The following COL21A1 variants were observed in gnomAD, a reference collection of about 807,000 sequenced individuals.
COL21A1 encodes the protein collagen alpha-1(XXI) chain.
In COL21A1, 149 loss-of-function variants were observed where a neutral mutation model predicts 137.9. That is an observed-to-expected ratio of 1.08 (90% CI 0.95 to 1.24). The LOEUF (loss-of-function observed/expected upper bound fraction) is 1.24. Among genes scored for constraint, COL21A1 ranks in the 50% most tolerant of loss-of-function variants. The probability of loss-of-function intolerance (pLI) is 0.00; values close to 1 mark genes in which losing one functional copy is unlikely to be tolerated. For missense variants in COL21A1, 1,167 were observed against 1,158.4 expected (o/e 1.01, Z -0.11); for synonymous variants, 456 against 391.5 (o/e 1.16, Z -1.95).
At chr6:56,309,288 T>G (rs1764548349) in intron 1 of COL21A1, among the ~76,000 whole-genome samples, 1 of 152,154 alleles carries the variant, frequency 6.6e-6, no homozygotes, top group Non-Finnish European at 1.5e-5. Flanking sequence ...TCTGCCCGCC[T>G]CGGCCTCCCA....
At chr6:56,262,376 C>A (rs1282211239) in intron 1 of COL21A1, among the ~76,000 whole-genome samples, 3 of 152,068 alleles carry the variant, frequency 2.0e-5, no homozygotes. Flanking sequence ...GTTCTGAGCA[C>A]TTTATATTTA....
chr6:56,073,312 G>A (rs1464252037), intron 20 of COL21A1, among the ~76,000 whole-genome samples: 2 of 151,438 alleles, frequency 1.3e-5, no homozygotes, highest in South Asian at 4.1e-4. Flanking sequence ...AGCTGCTGGA[G>A]CCCACAATAC....
intron 16 of COL21A1, among the ~76,000 whole-genome samples, chr6:56,104,252 A>C (rs914646405): frequency 6.6e-6 from 1 of 152,040 alleles, no homozygotes; most frequent in Non-Finnish European, 1.5e-5. Context: ...GGAGGAACAG[A>C]CTCTTTATTC....
intron 1 of COL21A1, among the ~76,000 whole-genome samples, chr6:56,238,120 C>G (rs527697240): frequency 6.6e-6 from 1 of 151,988 alleles, no homozygotes; most frequent in African/African-American, 2.4e-5. Context: ...CAATCAACAA[C>G]CTGCTCAAAG....
At chr6:56,081,375 G>A (rs1464446095) in intron 17 of COL21A1, among the ~76,000 whole-genome samples, 1 of 151,476 alleles carries the variant, frequency 6.6e-6, no homozygotes, top group Non-Finnish European at 1.5e-5. Flanking sequence ...AGTCGGCATT[G>A]CCCCCCATTC....
Position 56,141,774 on chromosome 6 carries a change from T to G in COL21A1, c.1542+11A>C. Reference sequence around the variant, plus strand: ...ACTAACACCATTGATTGCATTTTTGTGTGTGTTTACCTTGTCACCATCTCG... The same window carrying G: ...ACTAACACCATTGATTGCATTTTTGGGTGTGTTTACCTTGTCACCATCTCG... On this transcript the variant is annotated intron_variant, in intron 12 of 29. Transcript: ENST00000244728. 6.2e-7 allele frequency: 1 copy of G among 1,613,448 alleles called. No individual in the cohort carries two copies. The highest frequency in any genetic ancestry group is 8.5e-7 in the Non-Finnish European group (1 of 1,179,462).
chr6:56,278,352 GA>G (rs1168917001), intron 1 of COL21A1, among the ~76,000 whole-genome samples: 7 of 152,302 alleles, frequency 4.6e-5, no homozygotes, highest in Admixed American at 4.6e-4. Context: ...GTACAAGCCA[GA>G]AGGGAGCAAA....
chr6:56,181,568 C>T (rs1777893058), intron 2 of COL21A1, among the ~76,000 whole-genome samples: 1 of 152,020 alleles, frequency 6.6e-6, no homozygotes, highest in Non-Finnish European at 1.5e-5. Flanking sequence ...CCCTTCCTAC[C>T]CTTCTCCCTG....
At chr6:56,253,357 C>G (rs181384241) in intron 1 of COL21A1, among the ~76,000 whole-genome samples, 2 of 152,122 alleles carry the variant, frequency 1.3e-5, no homozygotes, top group African/African-American at 2.4e-5. Context: ...TACAAATGAA[C>G]CTTTGACCCA....
At chr6:56,066,112 G>A (rs535145703) in intron 23 of COL21A1, among the ~76,000 whole-genome samples, 1 of 151,974 alleles carries the variant, frequency 6.6e-6, no homozygotes, top group East Asian at 1.9e-4. Context: ...TCTAAATGCA[G>A]TACCAAGAAG....
intron 23 of COL21A1, among the ~76,000 whole-genome samples, chr6:56,066,016 A>T (rs999355412): frequency 4.6e-5 from 7 of 151,930 alleles, no homozygotes; most frequent in Non-Finnish European, 1.0e-4. Context: ...TTATCATGAC[A>T]GGAAATCTGT....
chr6:56,251,330 AAGTCACAC>A (rs1782847515), upstream of COL21A1, among the ~76,000 whole-genome samples: 1 of 152,214 alleles, frequency 6.6e-6, no homozygotes, highest in South Asian at 2.1e-4. Context: ...CAGTGAACCT[AAGTCACAC>A]AGCACCACTA....
intron 10 of COL21A1, among the ~76,000 whole-genome samples, chr6:56,153,700 C>T (rs1311178642): frequency 6.6e-6 from 1 of 152,162 alleles, no homozygotes; most frequent in Non-Finnish European, 1.5e-5. Context: ...AATCCATGGT[C>T]TAGTCTAGGC....
chr6:56,350,389 A>G (rs1308070021), intron 1 of COL21A1, among the ~76,000 whole-genome samples: 2 of 152,216 alleles, frequency 1.3e-5, no homozygotes, highest in African/African-American at 4.8e-5. Context: ...GGCCTCCAGA[A>G]GAATGTTAGC....
At chr6:56,349,709 T>C (rs1765670005) in intron 1 of COL21A1, among the ~76,000 whole-genome samples, 1 of 152,254 alleles carries the variant, frequency 6.6e-6, no homozygotes, top group Non-Finnish European at 1.5e-5. Context: ...ATCATTTCTA[T>C]TTCTTCTTTT....
At chr6:56,262,449 G>A (rs2147695) in intron 1 of COL21A1, among the ~76,000 whole-genome samples, 1 of 151,990 alleles carries the variant, frequency 6.6e-6, no homozygotes, top group Admixed American at 6.6e-5. Flanking sequence ...AGAAAACAGA[G>A]CCTAAGCCAA....
At chr6:56,300,703 C>T (rs936187705) in intron 1 of COL21A1, among the ~76,000 whole-genome samples, 4 of 152,094 alleles carry the variant, frequency 2.6e-5, no homozygotes, top group Non-Finnish European at 5.9e-5. Flanking sequence ...TTCATTAGCC[C>T]AAGACACATA....
At chr6:56,336,574 T>C (rs1426789458) in intron 1 of COL21A1, among the ~76,000 whole-genome samples, 1 of 152,226 alleles carries the variant, frequency 6.6e-6, no homozygotes, top group Non-Finnish European at 1.5e-5. Flanking sequence ...CAAGATTAAC[T>C]ATTTTTCCCT....
chr6:56,376,446 GT>G (rs11395018), intron 1 of COL21A1, among the ~76,000 whole-genome samples: 13,879 of 146,190 alleles, frequency 0.095, 740 homozygotes, highest in African/African-American at 0.15. Flanking sequence ...GGTAAAGAAA[GT>G]TTTTTTTTTT....
Sources: allele counts gnomAD v4.1 joint callset (sites outside exome capture counted in the v4.1 genomes callset), GRCh38; gene constraint gnomAD v4.1.1; transcripts MANE v1.5; gene names NCBI Gene and HGNC (gene_info 2026-07-23, HGNC 2026-07-21).